NRCAM: variants seen among roughly 807,000 people sequenced by gnomAD.
NRCAM encodes the protein NgCAM-related cell adhesion molecule.
Under a neutral mutation model 156.5 loss-of-function variants are expected in NRCAM, and 83 were observed. The observed-to-expected ratio is 0.53, with a 90% CI of 0.44 to 0.64. The LOEUF (loss-of-function observed/expected upper bound fraction) is 0.64, where lower values mean the gene tolerates loss of function less well. Ranked by LOEUF, NRCAM falls within the 30% of genes least tolerant of loss-of-function variation. The pLI is 0.00. For synonymous variants in NRCAM, 538 were observed against 563.9 expected, an observed-to-expected ratio of 0.95 and a Z score of 0.65; for missense variants, 1,417 against 1,597.3, an observed-to-expected ratio of 0.89 and a Z score of 1.92.
intron 3 of NRCAM, among the ~76,000 whole-genome samples, chr7:108,299,110 A>AAAAAAAAAAAAAGAAAG (rs1563163335): frequency 6.0e-5 from 1 of 16,670 alleles, no homozygotes; most frequent in Non-Finnish European, 1.7e-4. Context: ...CATCTCAAAA[A>AAAAAAAAAAAAAGAAAG]AAAAAAAGAA....
At chr7:108,178,398 G>A (rs12671680) in intron 25 of NRCAM, 4 of 451,710 alleles carry the variant, frequency 8.9e-6, no homozygotes, top group African/African-American at 2.0e-5. Flanking sequence ...AAAAGAGGCA[G>A]TACTTGTTTG....
chr7:108,318,756 T>C (rs1198810642), intron 2 of NRCAM, among the ~76,000 whole-genome samples: 1 of 152,168 alleles, frequency 6.6e-6, no homozygotes, highest in African/African-American at 2.4e-5. Context: ...CAGACGTACT[T>C]CAGCGTGGCC....
At chr7:108,454,050 A>G (rs774659735) in intron 1 of NRCAM, among the ~76,000 whole-genome samples, 1 of 152,216 alleles carries the variant, frequency 6.6e-6, no homozygotes, top group East Asian at 1.9e-4. Context: ...AGGAACATCT[A>G]TGTAATCACA....
chr7:108,283,059 T>C lies in NRCAM; in HGVS notation c.-107+29606A>G, dbSNP rs558849873. Among the ~76,000 whole-genome samples the C allele has an allele frequency of 2.6e-4, 14 of 54,544 alleles. No individual in the cohort carries two copies. In the South Asian group the frequency reaches 8.2e-3, roughly 32 times the overall value. 35.8% of individuals were successfully genotyped at this position (54,544 alleles called of 152,430 possible). ...TCTGTTCCCTACTCTCTAAGTATAC[T>C]GACTTTCTGTAATCAAAGTTAAAAC... is the stretch of plus-strand genomic sequence containing the variant. On this transcript the variant is annotated intron_variant, in intron 3 of 32. Coordinates refer to ENST00000379028, the MANE Select transcript of NRCAM (RefSeq NM_001037132.4).
At chr7:108,330,276 C>T (rs2099113425) in intron 2 of NRCAM, among the ~76,000 whole-genome samples, 1 of 152,072 alleles carries the variant, frequency 6.6e-6, no homozygotes, top group African/African-American at 2.4e-5. Context: ...GCTCACACAC[C>T]AACTTGAAAA....
intron 1 of NRCAM, among the ~76,000 whole-genome samples, chr7:108,400,701 A>C (rs2099789869): frequency 6.6e-6 from 1 of 152,146 alleles, no homozygotes; most frequent in Admixed American, 6.5e-5. Flanking sequence ...GAACCCTATA[A>C]ATAGTTCCCA....
chr7:108,194,534 T>C (rs956783122), intron 15 of NRCAM, 106 bp from the exon 16 acceptor site: 21 of 739,920 alleles, frequency 2.8e-5, no homozygotes, highest in African/African-American at 1.8e-4. Context: ...AATGTGAAAG[T>C]TGCAAGGCTA....
In NRCAM at chr7:108,184,256, C is replaced by G. The variant is rs145997635; in HGVS notation, c.2289G>C (p.Leu763Phe). 1.9e-6 allele frequency: 3 copies of G among 1,613,916 alleles called. No homozygotes were observed. The highest frequency in any genetic ancestry group is 2.5e-6 in the Non-Finnish European group (3 of 1,179,882). Residue 763 changes from leucine (L) to phenylalanine (F), a missense_variant, in exon 22 of 33, where the codon TTG becomes TTC. By Grantham distance (22) the Leu-to-Phe change is conservative. Transcript: ENST00000379028. Reference protein sequence around the residue: ...VEGLGSEPDNLVITWKPLNGF... With the variant: ...VEGLGSEPDNFVITWKPLNGF... ...CATAGCTCACCTTCCACGTAATCAC[C>G]AAATTATCAGGCTCTGATCCCAGTC...
intron 2 of NRCAM, among the ~76,000 whole-genome samples, chr7:108,368,219 T>C (rs1200119861): frequency 2.1e-5 from 1 of 46,632 alleles, no homozygotes; most frequent in Non-Finnish European, 5.9e-5. Flanking sequence ...GAATCACACT[T>C]TCATACCCCC....
chr7:108,149,325 G>A lies in NRCAM; in HGVS notation c.*585C>T, dbSNP rs1417581939. On this transcript the variant is annotated 3_prime_UTR_variant, in exon 33 of 33. Coordinates refer to ENST00000379028, the MANE Select transcript of NRCAM (RefSeq NM_001037132.4). ...AGGTAATAGTTCTCAGTAAGCATCA[G>A]CAATGTGACTGTCATAATGAACTCA... 6.6e-6 allele frequency: 1 copy of A among 152,612 alleles called. No homozygotes were observed. Among genetic ancestry groups the A allele is most frequent in the African/African-American group, 2.4e-5 (1 of 41,442 alleles). 9.5% of individuals were successfully genotyped at this position (152,612 alleles called of 1,614,324 possible).
At chr7:108,398,170 C>T (rs1319860974) in intron 2 of NRCAM, among the ~76,000 whole-genome samples, 2 of 152,162 alleles carry the variant, frequency 1.3e-5, no homozygotes, top group African/African-American at 4.8e-5. Flanking sequence ...CCCTTATATA[C>T]TTCAAAGTCC....
At chr7:108,366,358 A>T (rs1345627559) in intron 2 of NRCAM, among the ~76,000 whole-genome samples, 1 of 152,186 alleles carries the variant, frequency 6.6e-6, no homozygotes, top group Non-Finnish European at 1.5e-5. Context: ...ATTTTATAAG[A>T]CTGCAATTGA....
intron 2 of NRCAM, among the ~76,000 whole-genome samples, chr7:108,343,320 AT>A (rs748158292): frequency 7.9e-5 from 12 of 152,180 alleles, no homozygotes; most frequent in Admixed American, 5.2e-4. Flanking sequence ...GAGAAAGGGG[AT>A]TCCTAACTTC....
chr7:108,424,779 T>C (rs983146878), intron 1 of NRCAM, among the ~76,000 whole-genome samples: 1 of 151,826 alleles, frequency 6.6e-6, no homozygotes, highest in Non-Finnish European at 1.5e-5. Flanking sequence ...ATCCCAAATC[T>C]GCATGTTATT....
At chr7:108,391,595 G>A (rs368877952) in intron 2 of NRCAM, among the ~76,000 whole-genome samples, 38,221 of 151,804 alleles carry the variant, frequency 0.25, 5,049 homozygotes, top group Non-Finnish European at 0.28. Flanking sequence ...ATATTGTTAT[G>A]TGTGAATTTG....
intron 3 of NRCAM, among the ~76,000 whole-genome samples, chr7:108,264,679 T>G (rs886111625): frequency 6.6e-6 from 1 of 152,216 alleles, no homozygotes; most frequent in Non-Finnish European, 1.5e-5. Flanking sequence ...TCTTGGTAGT[T>G]AAGACTAAAA....
intron 2 of NRCAM, among the ~76,000 whole-genome samples, chr7:108,372,072 C>G (rs1027426563): frequency 2.0e-5 from 3 of 152,076 alleles, no homozygotes; most frequent in Non-Finnish European, 4.4e-5. Context: ...CACACATATA[C>G]AGTCAACTAA....
chr7:108,367,036 C>T (rs1378956834), intron 2 of NRCAM, among the ~76,000 whole-genome samples: 1 of 152,152 alleles, frequency 6.6e-6, no homozygotes, highest in East Asian at 1.9e-4. Flanking sequence ...ATACCTAACA[C>T]CAAATGTTAA....
intron 32 of NRCAM, chr7:108,156,360 G>T: frequency 1.0e-6 from 1 of 982,964 alleles, no homozygotes; most frequent in Non-Finnish European, 1.2e-6. Context: ...TAAGGAAAAT[G>T]GATCTAAAGA....
Sources: allele counts gnomAD v4.1 joint callset (sites outside exome capture counted in the v4.1 genomes callset), GRCh38; gene constraint gnomAD v4.1.1; transcripts MANE v1.5; gene names NCBI Gene and HGNC (gene_info 2026-07-23, HGNC 2026-07-21).